The following CACNA2D2 variants were observed in gnomAD, a reference collection of about 807,000 sequenced individuals.
The protein encoded by CACNA2D2 is calcium voltage-gated channel auxiliary subunit alpha2delta 2.
Under a neutral mutation model 166.4 loss-of-function variants are expected in CACNA2D2, and 48 were observed. That is an observed-to-expected ratio of 0.29 (90% CI 0.23 to 0.37). The LOEUF (loss-of-function observed/expected upper bound fraction) is 0.37. CACNA2D2 is among the 10% of genes least tolerant of loss of function. The probability of loss-of-function intolerance (pLI) is 1.00; values close to 1 mark genes in which losing one functional copy is unlikely to be tolerated. For missense variants in CACNA2D2, 1,122 were observed against 1,433.0 expected, an observed-to-expected ratio of 0.78 and a Z score of 3.50; for synonymous variants, 561 against 573.7, an observed-to-expected ratio of 0.98 and a Z score of 0.32.
rs985334930 is a variant in CACNA2D2 at position 50,367,199 on chromosome 3, C to T, written c.2402-90G>A. On this transcript the variant is annotated intron_variant, in intron 27 of 37. Coordinates refer to ENST00000424201, the MANE Select transcript of CACNA2D2 (RefSeq NM_006030.4). This position sits in a 1 kb window ranked among gnomAD's most constrained non-coding sequence, Gnocchi z 6.5. Reference sequence around the variant, plus strand: ...TCCTACAAACCCAGCAGTCCAATCCCGGGATGACTCCAGCCCAAGCACCCA... The same window carrying T: ...TCCTACAAACCCAGCAGTCCAATCCTGGGATGACTCCAGCCCAAGCACCCA... 3.4e-5 allele frequency: 37 copies of T among 1,100,170 alleles called. No individual in the cohort carries two copies. The highest frequency in any genetic ancestry group is 2.5e-4 in the Middle Eastern group (1 of 3,976). 68.2% of individuals were successfully genotyped at this position (1,100,170 alleles called of 1,614,324 possible). A position where few individuals can be genotyped will look rare whatever the true frequency, so the allele number is the denominator to read the frequency against.
At chr3:50,387,492 T>G in intron 5 of CACNA2D2, 76 bp downstream of exon 5, 24 of 1,222,928 alleles carry the variant, frequency 2.0e-5, no homozygotes, top group Non-Finnish European at 2.8e-5. Flanking sequence ...TGTGTGGCGC[T>G]GAGTCCTAAC....
chr3:50,429,165 G>A (rs1207922765), intron 3 of CACNA2D2, among the ~76,000 whole-genome samples: 2 of 152,134 alleles, frequency 1.3e-5, no homozygotes, highest in Admixed American at 6.5e-5. Flanking sequence ...CGGAGGCAGA[G>A]GTTGCAGTGA....
chr3:50,378,764 A>AATC, intron 13 of CACNA2D2, 151 bp downstream of exon 13: 1 of 885,736 alleles, frequency 1.1e-6, no homozygotes, highest in Non-Finnish European at 1.8e-6. Context: ...GCCCCCAGAT[A>AATC]GAGTGAGGGA....
At chr3:50,492,809 G>T (rs1698571642) in intron 1 of CACNA2D2, among the ~76,000 whole-genome samples, 1 of 151,724 alleles carries the variant, frequency 6.6e-6, no homozygotes, top group African/African-American at 2.4e-5. Flanking sequence ...CACCCTGAAG[G>T]TCCTGTGGCT....
intron 2 of CACNA2D2, among the ~76,000 whole-genome samples, chr3:50,460,717 G>T (rs1192594466): frequency 6.6e-6 from 1 of 152,118 alleles, no homozygotes; most frequent in Non-Finnish European, 1.5e-5. Flanking sequence ...AGCCAGGCGT[G>T]GTGGCGGGCA....
rs760118474 is a variant in CACNA2D2 at position 50,366,397 on chromosome 3, G to A, written c.2638-59C>T. 6.1e-5 allele frequency: 96 copies of A among 1,562,734 alleles called. No homozygotes were observed. Among genetic ancestry groups the A allele is most frequent in the Admixed American group, 1.3e-4 (8 of 59,862 alleles). ...GGGGCTGGGCCCCGGACCTTCCACCGCAGGCAGTCCAGTGGTTCAGAGTTG... is the reference window on the plus strand; with the variant it reads ...GGGGCTGGGCCCCGGACCTTCCACCACAGGCAGTCCAGTGGTTCAGAGTTG... On this transcript the variant is annotated intron_variant, in intron 30 of 37. Coordinates refer to ENST00000424201, the MANE Select transcript of CACNA2D2 (RefSeq NM_006030.4). This position sits in a 1 kb window ranked among gnomAD's most constrained non-coding sequence, Gnocchi z 5.9.
chr3:50,379,311 G>C lies in CACNA2D2; in HGVS notation c.1153-112C>G, dbSNP rs1005596171. Reference sequence around the variant, plus strand: ...TGGCCCTCCTCCCCCACAGCAGATGGAGCTATCTGTCCAAGCTGCCTGTTT... The same window carrying C: ...TGGCCCTCCTCCCCCACAGCAGATGCAGCTATCTGTCCAAGCTGCCTGTTT... On this transcript the variant is annotated intron_variant, in intron 11 of 37. Transcript: ENST00000424201. The surrounding 1 kb of genome is among the most constrained non-coding windows in gnomAD (Gnocchi z 6.5). The C allele has an allele frequency of 9.0e-6, 13 of 1,447,868 alleles. No homozygotes were observed. Among genetic ancestry groups the C allele is most frequent in the African/African-American group, 2.8e-5 (2 of 71,532 alleles). The allele number at this position is 1,447,868 out of a possible 1,614,324, so 89.7% of individuals were successfully genotyped here.
intron 1 of CACNA2D2, among the ~76,000 whole-genome samples, chr3:50,494,351 A>C (rs1244612803): frequency 6.6e-6 from 1 of 152,282 alleles, no homozygotes; most frequent in African/African-American, 2.4e-5. Flanking sequence ...AGGCGGGGCC[A>C]GCAGGAGGAG....
Position 50,380,709 on chromosome 3 carries a change from G to C in CACNA2D2, c.842+39C>G, listed in dbSNP as rs113877188. ...GAGCAGGCAGGAAAGGTGGGGAACT[G>C]AGGGGGTGTCCCTCCCCAGCCCCTT... On this transcript the variant is annotated intron_variant, in intron 8 of 37. Coordinates refer to ENST00000424201, the MANE Select transcript of CACNA2D2 (RefSeq NM_006030.4). This position sits in a 1 kb window ranked among gnomAD's most constrained non-coding sequence, Gnocchi z 4.9. The C allele has an allele frequency of 2.8e-4, 408 of 1,449,740 alleles. No individual in the cohort carries two copies. The African/African-American group carries it at 5.3e-3, about 19-fold the overall frequency. The allele number at this position is 1,449,740 out of a possible 1,614,324, so 89.8% of individuals were successfully genotyped here.
At chr3:50,471,595 C>A (rs1211031428) in intron 2 of CACNA2D2, among the ~76,000 whole-genome samples, 2 of 152,172 alleles carry the variant, frequency 1.3e-5, no homozygotes, top group Admixed American at 1.3e-4. Flanking sequence ...TCAGCCAGCA[C>A]CCCCAGAGTC....
intron 2 of CACNA2D2, among the ~76,000 whole-genome samples, chr3:50,455,790 G>T (rs992145552): frequency 1.3e-5 from 2 of 152,162 alleles, no homozygotes; most frequent in Admixed American, 6.5e-5. Context: ...CGATGGAAAG[G>T]CTTCCTCCGG....
chr3:50,408,309 G>A (rs560513213), intron 3 of CACNA2D2, among the ~76,000 whole-genome samples: 2 of 152,354 alleles, frequency 1.3e-5, no homozygotes, highest in South Asian at 4.1e-4. Context: ...AAGAGTGGGA[G>A]CAGGAGCCAG....
intron 2 of CACNA2D2, among the ~76,000 whole-genome samples, chr3:50,458,487 G>A (rs1709462627): frequency 6.6e-6 from 1 of 152,184 alleles, no homozygotes. Flanking sequence ...AGGGTGGTAA[G>A]AGACCAGCCC....
At chr3:50,408,575 G>A (rs981185474) in intron 3 of CACNA2D2, among the ~76,000 whole-genome samples, 12 of 152,270 alleles carry the variant, frequency 7.9e-5, no homozygotes, top group Non-Finnish European at 1.6e-4. Context: ...AATCAGCCTC[G>A]ACACTTGGTT....
At position 50,460,986 on chromosome 3, in the gene CACNA2D2, TAAA is replaced by T. The variant is rs773208314; in HGVS notation, c.288+15129_288+15131del. The stretch of plus-strand genomic sequence containing the variant: ...TGGAATATTGGAGACAAAAGAAAAA[TAAA>T]AAAGAACAGGGCCTGAGTTAAGGTT... On this transcript the variant is annotated intron_variant, in intron 2 of 37. Coordinates refer to ENST00000424201, the MANE Select transcript of CACNA2D2 (RefSeq NM_006030.4). Among the ~76,000 whole-genome samples, 40 of 147,916 alleles carry T rather than the reference TAAA, an allele frequency of 2.7e-4. 1 individual carries two copies. The highest frequency in any genetic ancestry group is 2.7e-3 in the Admixed American group (40 of 14,884).
chr3:50,485,219 C>A (rs1698226436), intron 1 of CACNA2D2, among the ~76,000 whole-genome samples: 1 of 152,162 alleles, frequency 6.6e-6, no homozygotes, highest in African/African-American at 2.4e-5. Context: ...CCTGCACCCA[C>A]CCCTACCCTC....
At chr3:50,387,298 T>C in intron 5 of CACNA2D2, among the ~76,000 whole-genome samples, 1 of 152,142 alleles carries the variant, frequency 6.6e-6, no homozygotes, top group Non-Finnish European at 1.5e-5. Flanking sequence ...GCTCTCTCCA[T>C]CTGGGACCTA....
At chr3:50,468,781 T>G (rs963164993) in intron 2 of CACNA2D2, among the ~76,000 whole-genome samples, 7 of 151,670 alleles carry the variant, frequency 4.6e-5, no homozygotes, top group African/African-American at 1.7e-4. Context: ...CAGGTCAGAG[T>G]TGGGTGGCTT....
rs1040129072 is a variant in CACNA2D2, at chr3:50,398,268, A to G, written c.406-4100T>C. ...CTTGGGCTCTGGGCTCTGCTCCTGGAGGTGCCTGCAGTCTCTGGTCGCCCT... is the reference window on the plus strand; with the variant it reads ...CTTGGGCTCTGGGCTCTGCTCCTGGGGGTGCCTGCAGTCTCTGGTCGCCCT... On this transcript the variant is annotated intron_variant, in intron 3 of 37. Coordinates refer to ENST00000424201, the MANE Select transcript of CACNA2D2 (RefSeq NM_006030.4). Among the ~76,000 whole-genome samples the G allele has an allele frequency of 2.6e-5, 4 of 151,720 alleles. No homozygotes were observed. The South Asian group carries it at 8.4e-4, about 32-fold the overall frequency.
Sources: allele counts gnomAD v4.1 joint callset (sites outside exome capture counted in the v4.1 genomes callset), GRCh38; gene constraint gnomAD v4.1.1; non-coding constraint Gnocchi (gnomAD v3.1); transcripts MANE v1.5; gene names NCBI Gene and HGNC (gene_info 2026-07-23, HGNC 2026-07-21).